Variants in PFKFB3 observed in about 807,000 individuals in gnomAD.
PFKFB3 encodes the protein 6-phosphofructo-2-kinase/fructose-2,6-bisphosphatase 3.
PFKFB3 carries 33 observed loss-of-function variants against 68.0 expected under a neutral mutation model. The observed-to-expected ratio is 0.49, with a 90% CI of 0.37 to 0.65. PFKFB3 has a LOEUF of 0.65. PFKFB3 is among the 30% of genes least tolerant of loss of function. PFKFB3 has a pLI of 0.00. For synonymous variants in PFKFB3, 315 were observed against 288.2 expected (o/e 1.09, Z -0.94); for missense variants, 586 against 712.2 (o/e 0.82, Z 2.02).
At chr10:6,227,755 C>G (rs1845450536) in intron 14 of PFKFB3, among the ~76,000 whole-genome samples, 1 of 152,214 alleles carries the variant, frequency 6.6e-6, no homozygotes, top group African/African-American at 2.4e-5. Flanking sequence ...CCCTCAGTCT[C>G]CTTAGCTTTG....
chr10:6,224,813 C>G (rs938407266), intron 13 of PFKFB3, among the ~76,000 whole-genome samples: 6 of 152,136 alleles, frequency 3.9e-5, no homozygotes, highest in African/African-American at 1.4e-4. Flanking sequence ...CAGCATGGCA[C>G]AGTTCTTGTT....
chr10:6,173,037 C>T (rs1183174406), intron 1 of PFKFB3, among the ~76,000 whole-genome samples: 1 of 152,142 alleles, frequency 6.6e-6, no homozygotes, highest in African/African-American at 2.4e-5. Context: ...TCTGTGTTCC[C>T]TTCATGGTTT....
intron 1 of PFKFB3, among the ~76,000 whole-genome samples, chr10:6,145,697 T>A (rs1213805962): frequency 6.6e-6 from 1 of 152,104 alleles, no homozygotes; most frequent in Non-Finnish European, 1.5e-5. Flanking sequence ...AACCGACAGA[T>A]GGCTAGGGAC....
intron 14 of PFKFB3, among the ~76,000 whole-genome samples, chr10:6,246,987 G>C (rs1235550948): frequency 6.6e-6 from 1 of 152,244 alleles, no homozygotes; most frequent in Non-Finnish European, 1.5e-5. Context: ...CTGTGGGTCT[G>C]TTGCCCAGAC....
Position 6,222,886 on chromosome 10 carries a change from C to T in PFKFB3, c.1115C>T (p.Pro372Leu). ...CAGGACCTGGTCCAGCGCTTGGAGC[C>T]AGTGATCATGGAGCTGGAGCGGCAG... ...SYQDLVQRLE[P>L]VIMELERQEN... The change falls in exon 11 of 15, where the codon CCA (proline) becomes CTA (leucine). Residue 372 changes from proline to leucine, a missense_variant. By Grantham distance (98) the Pro-to-Leu change is moderately conservative (BLOSUM62 -3). Transcript: ENST00000379775. 6.2e-7 allele frequency: 1 copy of T among 1,613,944 alleles called. No individual in the cohort carries two copies. Among genetic ancestry groups the T allele is most frequent in the African/African-American group, 1.3e-5 (1 of 75,042 alleles).
chr10:6,315,512 G>C, the PFKFB3 span, among the ~76,000 whole-genome samples: 3 of 152,074 alleles, frequency 2.0e-5, no homozygotes, highest in African/African-American at 7.2e-5. Context: ...TTTTGAGATG[G>C]GGTCTCTGTT....
intron 1 of PFKFB3, among the ~76,000 whole-genome samples, chr10:6,169,142 A>C (rs58138401): frequency 7.9e-5 from 12 of 152,068 alleles, no homozygotes; most frequent in African/African-American, 2.7e-4. Flanking sequence ...GGGTCTTGCC[A>C]TGTTGGCCAG....
chr10:6,319,482 A>G, the PFKFB3 span, among the ~76,000 whole-genome samples: 23 of 152,194 alleles, frequency 1.5e-4, 1 homozygote, highest in Admixed American at 8.5e-4. Flanking sequence ...AGAAAGTAAA[A>G]TAATAGACAT....
intron 1 of PFKFB3, among the ~76,000 whole-genome samples, chr10:6,164,568 A>G (rs1020236119): frequency 3.3e-5 from 5 of 152,304 alleles, no homozygotes; most frequent in East Asian, 1.9e-4. Context: ...GACACAAAGT[A>G]TAAAGAACAG....
the PFKFB3 span, among the ~76,000 whole-genome samples, chr10:6,302,773 CACACA>C: frequency 7.0e-6 from 1 of 143,876 alleles, no homozygotes. Flanking sequence ...CACACACACA[CACACA>C]CATATACACA....
At chr10:6,219,852 G>A (rs538127094) in intron 7 of PFKFB3, among the ~76,000 whole-genome samples, 159 bp downstream of exon 7, 4 of 152,258 alleles carry the variant, frequency 2.6e-5, no homozygotes, top group East Asian at 1.9e-4. Flanking sequence ...GCCCGGGCTG[G>A]TCTTGAGCTC....
chr10:6,219,115 G>T (rs560183040), intron 6 of PFKFB3, among the ~76,000 whole-genome samples: 3 of 152,364 alleles, frequency 2.0e-5, no homozygotes, highest in South Asian at 2.1e-4. Context: ...TCAGGCAGTG[G>T]GGGGTGGAGG....
intron 1 of PFKFB3, among the ~76,000 whole-genome samples, chr10:6,168,476 A>T (rs1381082802): frequency 6.6e-6 from 1 of 152,188 alleles, no homozygotes; most frequent in Non-Finnish European, 1.5e-5. Context: ...TGTCAGCCTT[A>T]TGCAGTTGTG....
chr10:6,249,395 A>G (rs965054876), intron 14 of PFKFB3, among the ~76,000 whole-genome samples: 3 of 152,198 alleles, frequency 2.0e-5, no homozygotes, highest in African/African-American at 7.2e-5. Flanking sequence ...GTGCCCTTCC[A>G]TGTTCATCAC....
At chr10:6,256,083 C>A (rs1462607888), downstream of PFKFB3, among the ~76,000 whole-genome samples, 3 of 152,186 alleles carry the variant, frequency 2.0e-5, no homozygotes, top group East Asian at 5.8e-4. Flanking sequence ...GAAAAATAGT[C>A]ATTCCGCCCC....
At chr10:6,281,525 A>G in the PFKFB3 span, among the ~76,000 whole-genome samples, 4 of 152,216 alleles carry the variant, frequency 2.6e-5, no homozygotes, top group African/African-American at 9.6e-5. Context: ...TCTTCCATAG[A>G]GGCTCAGACA....
chr10:6,228,221 A>G lies in PFKFB3; in HGVS notation c.1515+1856A>G. On this transcript the variant is annotated intron_variant, in intron 14 of 14. Transcript: ENST00000379775. This position sits in a 1 kb window ranked among gnomAD's most constrained non-coding sequence, Gnocchi z 4.5. ...CCTTTGCTAGGGCAAGCCTGTCTGT[A>G]AGTATCTCTCCGATCATCGCTGCTG... 1.2e-6 allele frequency: 2 copies of G among 1,612,642 alleles called. No homozygotes were observed. The highest frequency in any genetic ancestry group is 1.7e-5 in the Admixed American group (1 of 60,014).
At chr10:6,155,327 C>G (rs1023557069) in intron 1 of PFKFB3, among the ~76,000 whole-genome samples, 2 of 151,786 alleles carry the variant, frequency 1.3e-5, no homozygotes, top group African/African-American at 4.8e-5. Flanking sequence ...CTCAGCCTCC[C>G]GAGTAGCTGA....
chr10:6,209,764 T>C (rs1014723475), intron 1 of PFKFB3, among the ~76,000 whole-genome samples: 4 of 73,504 alleles, frequency 5.4e-5, no homozygotes, highest in African/African-American at 1.6e-4. Context: ...ACTTACCTTT[T>C]CTTTTTTTTT....
Sources: allele counts gnomAD v4.1 joint callset (sites outside exome capture counted in the v4.1 genomes callset), GRCh38; gene constraint gnomAD v4.1.1; non-coding constraint Gnocchi (gnomAD v3.1); transcripts MANE v1.5; gene names NCBI Gene and HGNC (gene_info 2026-07-23, HGNC 2026-07-21).